Variants in ARB2A observed in about 807,000 individuals in gnomAD.
ARB2A encodes ARB2 cotranscriptional regulator A.
the ARB2A span, chr5:93,964,366 CCAAAA>C: frequency 5.2e-6 from 5 of 959,542 alleles, no homozygotes; most frequent in South Asian, 7.8e-5. Flanking sequence ...CACAGTCAAC[CCAAAA>C]CAAAAGTTTT....
the ARB2A span, among the ~76,000 whole-genome samples, chr5:93,928,965 G>C: frequency 4.6e-5 from 7 of 150,904 alleles, no homozygotes; most frequent in Admixed American, 6.6e-5. Context: ...AATGTACCAC[G>C]AAGTCAACTG....
chr5:93,815,271 T>C, the ARB2A span, among the ~76,000 whole-genome samples: 6 of 152,178 alleles, frequency 3.9e-5, no homozygotes, highest in Non-Finnish European at 7.3e-5. Context: ...TTGATATACA[T>C]GTAGGGGTTA....
the ARB2A span, among the ~76,000 whole-genome samples, chr5:93,798,931 G>T: frequency 4.6e-5 from 7 of 152,116 alleles, no homozygotes; most frequent in Non-Finnish European, 1.0e-4. Flanking sequence ...CACATAAACT[G>T]CTTTAATTCC....
At chr5:93,894,855 G>A in the ARB2A span, among the ~76,000 whole-genome samples, 1 of 152,246 alleles carries the variant, frequency 6.6e-6, no homozygotes, top group South Asian at 2.1e-4. Flanking sequence ...TAAAGTGACA[G>A]GTTAATTTAC....
At chr5:93,905,570 C>T in the ARB2A span, among the ~76,000 whole-genome samples, 1,900 of 151,630 alleles carry the variant, frequency 0.013, 45 homozygotes, top group African/African-American at 0.043. Context: ...GTTAGCTGTA[C>T]TGTTAAAATA....
chr5:93,780,346 A>G, the ARB2A span, among the ~76,000 whole-genome samples: 1 of 152,206 alleles, frequency 6.6e-6, no homozygotes, highest in Non-Finnish European at 1.5e-5. Flanking sequence ...CACTCAGCCT[A>G]GACAGTCCTG....
At chr5:93,870,335 T>A in the ARB2A span, among the ~76,000 whole-genome samples, 1 of 152,224 alleles carries the variant, frequency 6.6e-6, no homozygotes, top group East Asian at 1.9e-4. Context: ...CCTACCCGAT[T>A]CGATTTCTCT....
At chr5:93,937,763 C>T in the ARB2A span, among the ~76,000 whole-genome samples, 1 of 152,054 alleles carries the variant, frequency 6.6e-6, no homozygotes, top group African/African-American at 2.4e-5. Flanking sequence ...TGCTCAAGTG[C>T]CTTATATAAA....
chr5:93,988,833 G>C, the ARB2A span, among the ~76,000 whole-genome samples: 1 of 152,112 alleles, frequency 6.6e-6, no homozygotes, highest in Non-Finnish European at 1.5e-5. Context: ...ACCCTTGGCA[G>C]TCAAAGGGTT....
the ARB2A span, among the ~76,000 whole-genome samples, chr5:93,747,749 G>A: frequency 6.6e-6 from 1 of 152,098 alleles, no homozygotes; most frequent in Non-Finnish European, 1.5e-5. Flanking sequence ...CTATGTGTGT[G>A]CAGAAAACAT....
chr5:94,025,093 G>A, the ARB2A span, among the ~76,000 whole-genome samples: 1 of 152,226 alleles, frequency 6.6e-6, no homozygotes, highest in East Asian at 1.9e-4. Flanking sequence ...TGATAGCAGT[G>A]TTAAGGTTCA....
chr5:94,109,364 C>T, the ARB2A span, among the ~76,000 whole-genome samples: 1 of 152,118 alleles, frequency 6.6e-6, no homozygotes, highest in South Asian at 2.1e-4. Flanking sequence ...ATAAAGTTGG[C>T]ATAGTACAGG....
the ARB2A span, chr5:93,805,497 TTCTTC>T: frequency 1.0e-6 from 1 of 985,016 alleles, no homozygotes; most frequent in Admixed American, 6.2e-5. Context: ...GGAGAAGGTG[TTCTTC>T]CAGTGTAAGG....
the ARB2A span, among the ~76,000 whole-genome samples, chr5:93,888,348 A>T: frequency 1.1e-4 from 16 of 151,998 alleles, no homozygotes; most frequent in Admixed American, 4.6e-4. Context: ...CATTAAACTA[A>T]AAAGAAGTAA....
At chr5:93,632,705 C>G in the ARB2A span, among the ~76,000 whole-genome samples, 7 of 152,304 alleles carry the variant, frequency 4.6e-5, no homozygotes, top group East Asian at 5.8e-4. Flanking sequence ...AGAGCATTCT[C>G]TGGGACTCTC....
chr5:93,666,381 G>A, the ARB2A span, among the ~76,000 whole-genome samples: 5 of 151,884 alleles, frequency 3.3e-5, no homozygotes, highest in Admixed American at 2.6e-4. Context: ...GAAAAACTGG[G>A]TACACATTTT....
chr5:93,636,374 A>C, the ARB2A span, among the ~76,000 whole-genome samples: 1 of 152,298 alleles, frequency 6.6e-6, no homozygotes, highest in African/African-American at 2.4e-5. Flanking sequence ...CCTAATCTCT[A>C]ATGTGGTGGT....
At chr5:93,971,562 C>G in the ARB2A span, among the ~76,000 whole-genome samples, 1 of 63,162 alleles carries the variant, frequency 1.6e-5, no homozygotes, top group African/African-American at 5.5e-5. Context: ...AACAAGACTC[C>G]GTCTCAAAAA....
the ARB2A span, among the ~76,000 whole-genome samples, chr5:94,040,977 G>C: frequency 2.0e-5 from 3 of 152,262 alleles, no homozygotes; most frequent in East Asian, 5.8e-4. Flanking sequence ...CAGGGCTGTG[G>C]TGCAGCCAGC....
Sources: gnomAD v4.1 joint callset for allele counts (sites outside exome capture counted in the v4.1 genomes callset) on GRCh38, gnomAD v4.1.1 for gene constraint, MANE v1.5 for transcripts, NCBI Gene and HGNC (gene_info 2026-07-23, HGNC 2026-07-21) for gene names.